The following CERS1 variants were observed in gnomAD, a reference collection of about 807,000 sequenced individuals.
CERS1 encodes Embryonic growth/differentiation factor 1.
Under a neutral mutation model 35.7 loss-of-function variants are expected in CERS1, and 16 were observed. The observed-to-expected ratio is 0.45, with a 90% CI of 0.30 to 0.68. The LOEUF (loss-of-function observed/expected upper bound fraction) is 0.68. CERS1 is among the 30% of genes least tolerant of loss of function. The pLI is 0.08. For synonymous variants in CERS1, 243 were observed against 201.6 expected (o/e 1.21, Z -1.74); for missense variants, 454 against 453.9 (o/e 1.00, Z 0.00).
intron 2 of CERS1, among the ~76,000 whole-genome samples, chr19:18,886,559 C>T (rs2056366765): frequency 1.3e-5 from 2 of 151,990 alleles, no homozygotes; most frequent in Admixed American, 1.3e-4. Flanking sequence ...TGTCTCAAAA[C>T]AAAACAAACA....
intron 2 of CERS1, among the ~76,000 whole-genome samples, chr19:18,890,820 C>T (rs1407674284): frequency 6.9e-6 from 1 of 145,962 alleles, no homozygotes; most frequent in Non-Finnish European, 1.5e-5. Flanking sequence ...AAAGGCAAGT[C>T]CATGCCCAAA....
intron 2 of CERS1, among the ~76,000 whole-genome samples, chr19:18,893,117 G>T (rs1332822095): frequency 6.6e-6 from 1 of 152,082 alleles, no homozygotes; most frequent in Non-Finnish European, 1.5e-5. Context: ...GTTTCACCAT[G>T]TTAGCCAGGA....
Position 18,870,355 on chromosome 19 carries a change from C to A in CERS1, c.*222G>T. ...AGAGTGCGCAGGGTCCGCGGCGGCC[C>A]GGGACCAGTGGGCTGAGGGCGGGGC... On this transcript the variant is annotated 3_prime_UTR_variant, in exon 7 of 8. Coordinates refer to ENST00000623882, the MANE Select transcript of CERS1 (RefSeq NM_021267.5). This position sits in a 1 kb window ranked among gnomAD's most constrained non-coding sequence, Gnocchi z 5.1. 1 of 1,538,646 alleles carries A rather than the reference C, an allele frequency of 6.5e-7. No individual in the cohort carries two copies. Among genetic ancestry groups the A allele is most frequent in the South Asian group, 1.2e-5 (1 of 83,350 alleles).
chr19:18,894,269 G>A (rs1462500718), intron 1 of CERS1, among the ~76,000 whole-genome samples: 1 of 151,842 alleles, frequency 6.6e-6, no homozygotes, highest in Non-Finnish European at 1.5e-5. Context: ...GTGGCGGGGC[G>A]CGGCTCCAGA....
intron 2 of CERS1, 135 bp downstream of exon 2, chr19:18,893,281 C>T: frequency 1.0e-6 from 1 of 956,960 alleles, no homozygotes; most frequent in Non-Finnish European, 1.5e-6. Flanking sequence ...GTGGCGTGCT[C>T]ATAGCTCCCC....
intron 2 of CERS1, among the ~76,000 whole-genome samples, chr19:18,887,971 G>C: frequency 6.6e-6 from 1 of 152,056 alleles, no homozygotes; most frequent in Non-Finnish European, 1.5e-5. Context: ...TGAGTGGGAT[G>C]ACTGTAGGAA....
Position 18,869,308 on chromosome 19 carries a change from C to T in CERS1, c.*677G>A, listed in dbSNP as rs1374393967. 6.6e-7 allele frequency: 1 copy of T among 1,519,764 alleles called. No homozygotes were observed. Among genetic ancestry groups the T allele is most frequent in the Non-Finnish European group, 8.8e-7 (1 of 1,141,182 alleles). The allele number at this position is 1,519,764 out of a possible 1,614,324, so 94.1% of individuals were successfully genotyped here. ...CCCGGCTCGGGCGCTCAGCGGGTTC[C>T]ACAGCCGACAGGTCGAAGACGACTG... On this transcript the variant is annotated 3_prime_UTR_variant, in exon 8 of 8. Coordinates refer to ENST00000623882, the MANE Select transcript of CERS1 (RefSeq NM_021267.5).
At chr19:18,873,840 C>CA (rs2056016773) in intron 6 of CERS1, among the ~76,000 whole-genome samples, 1 of 132,048 alleles carries the variant, frequency 7.6e-6, no homozygotes, top group South Asian at 2.3e-4. Context: ...GACTCTGTCT[C>CA]GAAAAAAAAA....
intron 6 of CERS1, among the ~76,000 whole-genome samples, chr19:18,872,212 T>C (rs935881392): frequency 6.6e-6 from 1 of 152,230 alleles, no homozygotes; most frequent in African/African-American, 2.4e-5. Context: ...TCCTGCTGAT[T>C]CTTGTTTGTT....
chr19:18,884,184 C>T lies in CERS1; in HGVS notation c.493G>A (p.Ala165Thr), dbSNP rs45524532. ...QGSFYGHSIY[A>T]TLYMDTWRKD... is the part of the protein sequence containing the mutation. Reference sequence around the variant, plus strand: ...CGCCAGGTGTCCATGTATAGCGTAGCGTAGATGGAGTGGCCATAGAAGCTT... The same window carrying T: ...CGCCAGGTGTCCATGTATAGCGTAGTGTAGATGGAGTGGCCATAGAAGCTT... Residue 165 changes from alanine (A) to threonine (T), a missense_variant, in exon 3 of 8, where the codon GCT becomes ACT. Transcript: ENST00000623882. 133 of 1,613,684 alleles carry T rather than the reference C, an allele frequency of 8.2e-5. No homozygotes were observed. The highest frequency in any genetic ancestry group is 2.0e-4 in the East Asian group (9 of 44,862).
At chr19:18,879,530 G>C (rs1186414214) in intron 4 of CERS1, 142 bp from the exon 5 acceptor site, 13 of 1,024,616 alleles carry the variant, frequency 1.3e-5, no homozygotes, top group Non-Finnish European at 1.5e-5. Flanking sequence ...CTACTGCTCT[G>C]TCCTTCCCCT....
At chr19:18,890,377 C>T (rs1428836425) in intron 2 of CERS1, among the ~76,000 whole-genome samples, 2 of 152,264 alleles carry the variant, frequency 1.3e-5, no homozygotes, top group East Asian at 1.9e-4. Flanking sequence ...CATGAGGGCA[C>T]AGGGCTTTCT....
chr19:18,880,240 C>A (rs746784437), intron 4 of CERS1, 34 bp downstream of exon 4: 1 of 1,521,818 alleles, frequency 6.6e-7, no homozygotes, highest in South Asian at 1.2e-5. Flanking sequence ...CCAGGCCACA[C>A]CTCCCTCCCT....
In CERS1 at chr19:18,878,641, GCCACA is replaced by G. The variant is rs2056111034; in HGVS notation, c.1010+284_1010+288del. 1.6e-6 allele frequency: 2 copies of G among 1,220,940 alleles called. No individual in the cohort carries two copies. Among genetic ancestry groups the G allele is most frequent in the African/African-American group, 3.1e-5 (2 of 64,126 alleles). The allele number at this position is 1,220,940 out of a possible 1,614,324, so 75.6% of individuals were successfully genotyped here. On this transcript the variant is annotated intron_variant, in intron 6 of 7. Coordinates refer to ENST00000623882, the MANE Select transcript of CERS1 (RefSeq NM_021267.5). This position sits in a 1 kb window ranked among gnomAD's most constrained non-coding sequence, Gnocchi z 4.6. ...CACAGGGCCCTGGCTCGCCACTCCC[GCCACA>G]CCAGCCACTAGGCCTGGCCCTCAGT...
chr19:18,873,155 A>G (rs930682170), intron 6 of CERS1, among the ~76,000 whole-genome samples: 1 of 152,116 alleles, frequency 6.6e-6, no homozygotes, highest in African/African-American at 2.4e-5. Context: ...ACACCGATAG[A>G]CTAGTGTTGA....
Position 18,895,425 on chromosome 19 carries a change from CG to C in CERS1, c.249+398del, listed in dbSNP as rs1025741276. Reference sequence around the variant, plus strand: ...TTCTCAGTGTCTGGCTCGGCCCTGCCGGAAAGAGCGCGCGGTGGCCGGAGCC... The same window carrying C: ...TTCTCAGTGTCTGGCTCGGCCCTGCCGAAAGAGCGCGCGGTGGCCGGAGCC... On this transcript the variant is annotated intron_variant, in intron 1 of 7. Coordinates refer to ENST00000623882, the MANE Select transcript of CERS1 (RefSeq NM_021267.5). The surrounding 1 kb of genome is among the most constrained non-coding windows in gnomAD (Gnocchi z 6.4). Among the ~76,000 whole-genome samples the C allele has an allele frequency of 1.1e-4, 16 of 152,154 alleles. No homozygotes were observed. Among genetic ancestry groups the C allele is most frequent in the Admixed American group, 3.3e-4 (5 of 15,288 alleles).
chr19:18,888,889 C>CTTTTTTTTTT (rs756124590), intron 2 of CERS1, among the ~76,000 whole-genome samples: 2 of 122,924 alleles, frequency 1.6e-5, no homozygotes, highest in African/African-American at 3.1e-5. Flanking sequence ...TTCTTTCTTT[C>CTTTTTTTTTT]TTTTTTTTTT....
At chr19:18,875,642 T>G (rs76597639) in intron 6 of CERS1, among the ~76,000 whole-genome samples, 152 of 152,332 alleles carry the variant, frequency 1.0e-3, no homozygotes, top group Admixed American at 1.8e-3. Context: ...ATTAAACTTT[T>G]GCTCCAACCT....
chr19:18,872,578 C>T (rs1364173236), intron 6 of CERS1, among the ~76,000 whole-genome samples: 1 of 151,784 alleles, frequency 6.6e-6, no homozygotes, highest in Non-Finnish European at 1.5e-5. Flanking sequence ...TGCGGTGGCA[C>T]GATCTTGGCT....
Sources: allele counts gnomAD v4.1 joint callset (sites outside exome capture counted in the v4.1 genomes callset), GRCh38; gene constraint gnomAD v4.1.1; non-coding constraint Gnocchi (gnomAD v3.1); transcripts MANE v1.5; gene names NCBI Gene and HGNC (gene_info 2026-07-23, HGNC 2026-07-21).